The following LPA variants were observed in gnomAD, a reference collection of about 807,000 sequenced individuals.
LPA encodes apolipoprotein(a).
A neutral mutation model predicts 197.9 loss-of-function variants in LPA; 199 were observed. The ratio of observed to expected loss-of-function variants is 1.01; its 90% CI spans 0.90 to 1.13. The LOEUF (loss-of-function observed/expected upper bound fraction) is 1.13. Ranked by LOEUF, LPA falls within the 50% of genes most tolerant of loss-of-function variation. The pLI, the probability that LPA is intolerant of heterozygous loss-of-function variation, is 0.00. For missense variants in LPA, 1,853 were observed against 1,785.8 expected (o/e 1.04, Z -0.68); for synonymous variants, 715 against 639.5 (o/e 1.12, Z -1.78).
At chr6:160,557,226 G>C (rs1026386638) in intron 29 of LPA, among the ~76,000 whole-genome samples, 164 bp downstream of exon 29, 15 of 152,010 alleles carry the variant, frequency 9.9e-5, no homozygotes, top group African/African-American at 3.6e-4. Context: ...GCCCACGCAC[G>C]TTGCGCCAAA....
rs1481030408 is a variant in LPA, at chr6:160,606,496, T to G, written c.2766A>C (p.Leu922=). 1 of 1,613,510 alleles carries G rather than the reference T, an allele frequency of 6.2e-7. No homozygotes were observed. The highest frequency in any genetic ancestry group is 8.5e-7 in the Non-Finnish European group (1 of 1,179,850). ...CCTTACCTTGTTCAGAAGGAGCCTC[T>G]AGGCTTGGAATCGGGGTAATAGTTG... ...APPTITPIPS[L]EAPSEQAPTE... The change falls in exon 17 of 39, where the codon CTA becomes CTC. Residue 922 remains leucine (L), a synonymous_variant. Transcript: ENST00000316300.
chr6:160,562,904 A>T (rs1362934193), intron 28 of LPA, among the ~76,000 whole-genome samples: 1 of 152,064 alleles, frequency 6.6e-6, no homozygotes, highest in Non-Finnish European at 1.5e-5. Flanking sequence ...CTGTGGCATC[A>T]TTGGTGATAT....
At chr6:160,547,143 A>G (rs1778085490) in intron 32 of LPA, among the ~76,000 whole-genome samples, 1 of 152,198 alleles carries the variant, frequency 6.6e-6, no homozygotes, top group Admixed American at 6.5e-5. Context: ...ATTACATTGT[A>G]ATATATAATG....
intron 20 of LPA, among the ~76,000 whole-genome samples, chr6:160,596,551 A>G (rs1225474605): frequency 2.6e-5 from 4 of 152,154 alleles, no homozygotes; most frequent in Admixed American, 2.6e-4. Context: ...TTTTTAACAC[A>G]CAAAGTCAAC....
intron 26 of LPA, among the ~76,000 whole-genome samples, chr6:160,584,178 T>A (rs1778852021): frequency 7.6e-5 from 3 of 39,636 alleles, no homozygotes; most frequent in Non-Finnish European, 1.5e-4. Flanking sequence ...ATTTTCTTCT[T>A]CTTCTTCTTC....
At chr6:160,547,146 A>G (rs73784277) in intron 32 of LPA, among the ~76,000 whole-genome samples, 3,161 of 152,286 alleles carry the variant, frequency 0.021, 108 homozygotes, top group African/African-American at 0.072. Flanking sequence ...ACATTGTAAT[A>G]TATAATGAAA....
intron 26 of LPA, among the ~76,000 whole-genome samples, chr6:160,583,468 G>A (rs1778838229): frequency 6.6e-6 from 1 of 152,046 alleles, no homozygotes; most frequent in Non-Finnish European, 1.5e-5. Context: ...TGGGGTCTTT[G>A]CTGAATGCCC....
intron 33 of LPA, among the ~76,000 whole-genome samples, 193 bp downstream of exon 33, chr6:160,545,247 T>C (rs1465535203): frequency 1.3e-5 from 2 of 151,966 alleles, no homozygotes; most frequent in African/African-American, 2.4e-5. Context: ...GGGCGGGTGT[T>C]TTCCTAACAA....
chr6:160,583,361 G>A (rs185546346), intron 26 of LPA, among the ~76,000 whole-genome samples: 130 of 152,220 alleles, frequency 8.5e-4, no homozygotes, highest in Non-Finnish European at 1.2e-3. Context: ...AGATCATTTG[G>A]ATCTTTTTAG....
chr6:160,582,400 C>T (rs1353545549), intron 26 of LPA, among the ~76,000 whole-genome samples: 1 of 151,260 alleles, frequency 6.6e-6, no homozygotes, highest in Non-Finnish European at 1.5e-5. Context: ...GGTGTTATTC[C>T]ATTGTTTCTG....
intron 7 of LPA, among the ~76,000 whole-genome samples, chr6:160,634,537 C>A (rs1315596325): frequency 1.4e-5 from 2 of 140,876 alleles, no homozygotes; most frequent in South Asian, 2.3e-4. Flanking sequence ...CTCTCTAGAC[C>A]CCTCACAGGT....
intron 2 of LPA, among the ~76,000 whole-genome samples, chr6:160,649,264 T>C (rs1044355493): frequency 1.3e-5 from 2 of 152,204 alleles, no homozygotes; most frequent in South Asian, 2.1e-4. Flanking sequence ...CTTAGTGCTA[T>C]TTGAGCTCTG....
At chr6:160,589,128 C>CG (rs1778973540) in intron 24 of LPA, among the ~76,000 whole-genome samples, 1 of 152,172 alleles carries the variant, frequency 6.6e-6, no homozygotes, top group Non-Finnish European at 1.5e-5. Context: ...CGGAAGATCT[C>CG]GAAGTCAATA....
chr6:160,545,926 A>T (rs1046496099), intron 32 of LPA, among the ~76,000 whole-genome samples: 3 of 152,174 alleles, frequency 2.0e-5, no homozygotes, highest in Admixed American at 6.5e-5. Flanking sequence ...TGATTCAGAA[A>T]TGCTTACTTC....
rs1337632972 is a variant in LPA, at chr6:160,578,325, GC to G, written c.4471+197del. 9.2e-5 allele frequency among the ~76,000 whole-genome samples: 14 copies of G among 152,072 alleles called. No homozygotes were observed. The East Asian group carries it at 2.7e-3, about 29-fold the overall frequency. ...TCTGTGCCCTTCCTAAAGACACCGT[GC>G]CCTTCCTAAAGACACTGCCTCCTCA... On this transcript the variant is annotated intron_variant, in intron 27 of 38. Transcript: ENST00000316300.
At chr6:160,550,870 T>A (rs1336893742) in intron 30 of LPA, among the ~76,000 whole-genome samples, 3 of 152,240 alleles carry the variant, frequency 2.0e-5, no homozygotes, top group Non-Finnish European at 4.4e-5. Context: ...ATCAAAAACA[T>A]GCTCCCTTTT....
rs7767342 is a variant in LPA, at chr6:160,599,372, T to G, written c.3287+128A>C. 14,261 of 1,403,046 alleles carry G rather than the reference T, an allele frequency of 0.01. 965 individuals are homozygous for G. In the African/African-American group the frequency reaches 0.16, roughly 16 times the overall value. 86.9% of individuals were successfully genotyped at this position (1,403,046 alleles called of 1,614,324 possible). A position where few individuals can be genotyped will look rare whatever the true frequency, so the allele number is the denominator to read the frequency against. ...AAACAAAGTCTTCTCTAAGAACTTT[T>G]GCTCACAGGAAATGTTCCTCTGCAT... On this transcript the variant is annotated intron_variant, in intron 20 of 38. Transcript: ENST00000316300.
At chr6:160,658,778 G>C (rs1780172062) in intron 1 of LPA, among the ~76,000 whole-genome samples, 1 of 151,972 alleles carries the variant, frequency 6.6e-6, no homozygotes, top group South Asian at 2.1e-4. Flanking sequence ...ACCAATGAAA[G>C]AATTCCATCC....
intron 1 of LPA, among the ~76,000 whole-genome samples, chr6:160,661,871 C>A (rs1388817019): frequency 6.6e-6 from 1 of 152,194 alleles, no homozygotes; most frequent in African/African-American, 2.4e-5. Context: ...TAATAAGGTG[C>A]TTCCTACAGT....
Sources: gnomAD v4.1 joint callset for allele counts (sites outside exome capture counted in the v4.1 genomes callset) on GRCh38, gnomAD v4.1.1 for gene constraint, MANE v1.5 for transcripts, NCBI Gene and HGNC (gene_info 2026-07-23, HGNC 2026-07-21) for gene names.